MAST1: variants seen among roughly 807,000 people sequenced by gnomAD.
The protein encoded by MAST1 is microtubule associated serine/threonine kinase 1, also known as microtubule-associated serine/threonine-protein kinase 1.
Under a neutral mutation model 124.6 loss-of-function variants are expected in MAST1, and 40 were observed. That is an observed-to-expected ratio of 0.32 (90% CI 0.25 to 0.42). The LOEUF is 0.42. Ranked by LOEUF, MAST1 falls within the 10% of genes least tolerant of loss-of-function variation. The pLI is 1.00. For missense variants in MAST1, 1,558 were observed against 2,181.9 expected (o/e 0.71, Z 5.70); for synonymous variants, 938 against 939.4 (o/e 1.00, Z 0.03).
rs755259094 is a variant in MAST1 at position 12,852,098 on chromosome 19, C to G, written c.877-17C>G. ...ACCCTGGGAGCCTGTGGTGAGCCCA[C>G]TCCTGCCCTGCCTCAGGAATTCAAC... is the stretch of plus-strand genomic sequence containing the variant. On this transcript the variant is annotated splice_polypyrimidine_tract_variant and intron_variant, in intron 8 of 25. Transcript: ENST00000251472. 6.2e-7 allele frequency: 1 copy of G among 1,613,548 alleles called. No homozygotes were observed. The highest frequency in any genetic ancestry group is 1.1e-5 in the South Asian group (1 of 91,032).
chr19:12,867,773 G>A lies in MAST1; in HGVS notation c.2362G>A (p.Ala788Thr). ...CGAGGCCAGTTTCCTGGAGGGAGAG[G>A]CCAGTCCCCCTTTGGGCGCCCGCCG... ...ASEASFLEGE[A>T]SPPLGARRRF... Residue 788 changes from alanine (A) to threonine (T), a missense_variant, in exon 20 of 26, where the codon GCC (alanine) becomes ACC (threonine). Ala to Thr is a moderately conservative substitution (Grantham distance 58). Around this residue, in one of 10 missense-constraint regions of MAST1, gnomAD observed 287 missense variants for 308.0 expected, o/e 0.93. Coordinates refer to ENST00000251472, the MANE Select transcript of MAST1 (RefSeq NM_014975.3). The A allele has an allele frequency of 6.4e-7, 1 of 1,556,442 alleles. No individual in the cohort carries two copies. The highest frequency in any genetic ancestry group is 2.0e-5 in the Admixed American group (1 of 49,772).
intron 7 of MAST1, among the ~76,000 whole-genome samples, chr19:12,851,690 T>C (rs1481848703): frequency 6.6e-6 from 1 of 152,118 alleles, no homozygotes. Flanking sequence ...TTCACCATGT[T>C]GGCCAGGCTG....
rs1482167237 is a variant in MAST1 at position 12,847,642 on chromosome 19, C to T, written c.519C>T (p.Asn173=). The part of the protein sequence containing the change: ...SPGRSPSSYD[N]EIVMMNHVYK... Reference sequence around the variant, plus strand: ...GGCGCTCCCCCTCCTCCTACGACAACGAGATCGTGATGATGAATCACGTCT... The same window carrying T: ...GGCGCTCCCCCTCCTCCTACGACAATGAGATCGTGATGATGAATCACGTCT... Residue 173 remains asparagine, a synonymous_variant, in exon 6 of 26, where the codon AAC becomes AAT. Transcript: ENST00000251472. This position sits in a 1 kb window ranked among gnomAD's most constrained non-coding sequence, Gnocchi z 5.5. 3.7e-6 allele frequency: 6 copies of T among 1,614,020 alleles called. No individual in the cohort carries two copies. The highest frequency in any genetic ancestry group is 4.5e-5 in the East Asian group (2 of 44,886).
At chr19:12,840,373 G>A in intron 1 of MAST1, 73 bp from the exon 2 acceptor site, 3 of 916,646 alleles carry the variant, frequency 3.3e-6, no homozygotes, top group Non-Finnish European at 3.5e-6. Context: ...TGAGACAGGA[G>A]GTCAGCTGGT....
In MAST1 at chr19:12,843,075, A is replaced by G. The variant is rs1969851100; in HGVS notation, c.249-454A>G. Reference sequence around the variant, plus strand: ...ACCAACATTAATGGATTTGGCTGCAACAGTGACTGTGTCTGTGTGCACGAG... The same window carrying G: ...ACCAACATTAATGGATTTGGCTGCAGCAGTGACTGTGTCTGTGTGCACGAG... On this transcript the variant is annotated intron_variant, in intron 3 of 25. Transcript: ENST00000251472. This position sits in a 1 kb window ranked among gnomAD's most constrained non-coding sequence, Gnocchi z 4.9. 6.6e-6 allele frequency among the ~76,000 whole-genome samples: 1 copy of G among 152,178 alleles called. No individual in the cohort carries two copies. Among genetic ancestry groups the G allele is most frequent in the South Asian group, 2.1e-4 (1 of 4,830 alleles).
chr19:12,857,841 A>G (rs903127892), intron 10 of MAST1, among the ~76,000 whole-genome samples: 1 of 152,070 alleles, frequency 6.6e-6, no homozygotes, highest in African/African-American at 2.4e-5. Context: ...CAGCCTGGGC[A>G]AGATGGCAAA....
Position 12,866,865 on chromosome 19 carries a change from G to A in MAST1, c.2139+103G>A. ...CCTGGTGCCCAAGGTCTCAGGAGCGGGAAGTTATTGATGGGGCGGGAGTCT... is the reference window on the plus strand; with the variant it reads ...CCTGGTGCCCAAGGTCTCAGGAGCGAGAAGTTATTGATGGGGCGGGAGTCT... On this transcript the variant is annotated intron_variant, in intron 18 of 25. Transcript: ENST00000251472. This position sits in a 1 kb window ranked among gnomAD's most constrained non-coding sequence, Gnocchi z 5.2. 4.1e-6 allele frequency: 4 copies of A among 967,640 alleles called. No individual in the cohort carries two copies. Among genetic ancestry groups the A allele is most frequent in the Non-Finnish European group, 6.3e-6 (4 of 630,936 alleles). The allele number at this position is 967,640 out of a possible 1,614,324, so 59.9% of individuals were successfully genotyped here.
At chr19:12,839,201 C>A (rs1327827985) in intron 1 of MAST1, among the ~76,000 whole-genome samples, 1 of 151,124 alleles carries the variant, frequency 6.6e-6, no homozygotes, top group Non-Finnish European at 1.5e-5. Flanking sequence ...TGACACACAG[C>A]GTCACACAGG....
rs371588107 is a variant in MAST1, at chr19:12,858,768, G to A, written c.1366+29G>A. On this transcript the variant is annotated intron_variant, in intron 12 of 25. Transcript: ENST00000251472. ...TGGCTGCCTGCGGGGCTGCAGGGAA[G>A]ATGGGGCCGTGCTCACTGGTCAGGG... is the stretch of plus-strand genomic sequence containing the variant. 3.0e-5 allele frequency: 49 copies of A among 1,612,362 alleles called. No individual in the cohort carries two copies. In the African/African-American group the frequency reaches 6.5e-4, roughly 21 times the overall value.
At chr19:12,872,252 G>A (rs1388417272) in intron 24 of MAST1, among the ~76,000 whole-genome samples, 1 of 152,162 alleles carries the variant, frequency 6.6e-6, no homozygotes, top group Non-Finnish European at 1.5e-5. Flanking sequence ...GGCCAGAAGG[G>A]TATTCTGTTT....
chr19:12,861,680 C>CTCTTTCTTTCTTTCTTTCTTTCTTTCTT (rs3064403), intron 12 of MAST1, among the ~76,000 whole-genome samples: 1,470 of 143,548 alleles, frequency 0.01, 74 homozygotes, highest in African/African-American at 0.036. Context: ...TTCTTTTTCT[C>CTCTTTCTTTCTTTCTTTCTTTCTTTCTT]TCTTTCTTTC....
intron 10 of MAST1, among the ~76,000 whole-genome samples, chr19:12,854,606 G>A (rs1252724134): frequency 1.3e-5 from 2 of 152,066 alleles, no homozygotes; most frequent in African/African-American, 4.8e-5. Flanking sequence ...GGTGAACATT[G>A]GGTTGTCCAT....
rs566685039 is a variant in MAST1, at chr19:12,867,918, G to T, written c.2507G>T (p.Arg836Leu). The T allele has an allele frequency of 1.5e-4, 236 of 1,600,012 alleles. 4 individuals carry two copies. In the South Asian group the frequency reaches 2.4e-3, roughly 16 times the overall value. ...SSDPAGSLDA[R>L]APKEETQGEG... ...GACCCCGCGGGATCCCTGGATGCACGGGCCCCCAAAGAGGAGACTCAAGGG... is the reference window on the plus strand; with the variant it reads ...GACCCCGCGGGATCCCTGGATGCACTGGCCCCCAAAGAGGAGACTCAAGGG... Residue 836 changes from arginine (R) to leucine (L), a missense_variant, in exon 20 of 26, where the codon CGG becomes CTG. By Grantham distance (102) the Arg-to-Leu change is moderately radical (BLOSUM62 -2). This residue lies in a region of MAST1 where 287 missense variants were observed against 308.0 expected (regional missense o/e 0.93). Transcript: ENST00000251472.
chr19:12,853,375 G>A (rs1237585118), intron 10 of MAST1, among the ~76,000 whole-genome samples: 2 of 151,922 alleles, frequency 1.3e-5, no homozygotes, highest in African/African-American at 4.8e-5. Context: ...TTGTGCTAAG[G>A]CATTTGAGAC....
rs1055424337 is a variant in MAST1, at chr19:12,852,219, G to A, written c.981G>A (p.Gln327=). 1.9e-6 allele frequency: 3 copies of A among 1,613,964 alleles called. No individual in the cohort carries two copies. In the African/African-American group the frequency reaches 4.0e-5, roughly 22 times the overall value. ...KTDIPRYIIR[Q]LGLTRDPFPD... ...ACATCCCCCGCTACATCATCCGCCA[G>A]CTGGGCCTCACCCGTGACCCCTTTC... Residue 327 remains glutamine (Q), a synonymous_variant, in exon 9 of 26, where the codon CAG becomes CAA. Coordinates refer to ENST00000251472, the MANE Select transcript of MAST1 (RefSeq NM_014975.3).
At chr19:12,853,022 GTGCAA>G (rs1445636995) in intron 10 of MAST1, among the ~76,000 whole-genome samples, 1 of 150,694 alleles carries the variant, frequency 6.6e-6, no homozygotes, top group African/African-American at 2.4e-5. Flanking sequence ...CCAGGCTGGA[GTGCAA>G]TGGCACTATC....
At chr19:12,873,039 G>C (rs978570127) in intron 24 of MAST1, among the ~76,000 whole-genome samples, 1 of 152,076 alleles carries the variant, frequency 6.6e-6, no homozygotes, top group Non-Finnish European at 1.5e-5. Context: ...TGTAGTGGAA[G>C]AGGGAGGAGC....
At position 12,845,105 on chromosome 19, in the gene MAST1, C is replaced by T. The variant is rs566861554; in HGVS notation, c.327+1498C>T. Among the ~76,000 whole-genome samples the T allele has an allele frequency of 1.8e-4, 27 of 152,156 alleles. 1 individual carries two copies. The South Asian group carries it at 5.4e-3, about 30-fold the overall frequency. The stretch of plus-strand genomic sequence containing the variant: ...TCATTTGAGGTCAGGAGTTCGAGAC[C>T]AGCCTGGCCAACATGGTGAAACCCT... On this transcript the variant is annotated intron_variant, in intron 4 of 25. Transcript: ENST00000251472.
At chr19:12,871,614 C>T (rs991159406) in intron 24 of MAST1, among the ~76,000 whole-genome samples, 6 of 149,992 alleles carry the variant, frequency 4.0e-5, no homozygotes, top group African/African-American at 1.5e-4. Flanking sequence ...CTCAAACAAA[C>T]AAACAAACAA....
Sources: gnomAD v4.1 joint callset for allele counts (sites outside exome capture counted in the v4.1 genomes callset) on GRCh38, gnomAD v4.1.1 for gene constraint, gnomAD v4.1.1 regional missense constraint, Gnocchi (gnomAD v3.1) non-coding constraint, MANE v1.5 for transcripts, NCBI Gene and HGNC (gene_info 2026-07-23, HGNC 2026-07-21) for gene names.